CUX2: variants seen among roughly 807,000 people sequenced by gnomAD.
CUX2 encodes the protein cut like homeobox 2.
A neutral mutation model predicts 144.8 loss-of-function variants in CUX2; 40 were observed. The ratio of observed to expected loss-of-function variants is 0.28; its 90% confidence interval spans 0.21 to 0.36. The LOEUF is 0.36. CUX2 is among the 10% of genes least tolerant of loss of function. CUX2 has a pLI of 1.00. For missense variants in CUX2, 1,615 were observed against 1,994.0 expected, an observed-to-expected ratio of 0.81 and a Z score of 3.62; for synonymous variants, 827 against 875.6, an observed-to-expected ratio of 0.94 and a Z score of 0.98.
intron 1 of CUX2, among the ~76,000 whole-genome samples, chr12:111,093,406 CTG>C (rs1266062288): frequency 1.3e-5 from 2 of 151,998 alleles, no homozygotes; most frequent in Non-Finnish European, 2.9e-5. Flanking sequence ...CAGACGAGAA[CTG>C]TGTGTGGGGC....
In CUX2 at chr12:111,034,371, G is replaced by T. The variant is rs1205089759; in HGVS notation, c.63+131G>T. On this transcript the variant is annotated intron_variant, in intron 1 of 21. Transcript: ENST00000261726. This position sits in a 1 kb window ranked among gnomAD's most constrained non-coding sequence, Gnocchi z 4.2. ...GGCGGCGGCTGCCGGGGCTCGCCGG[G>T]GCTCGGCCGCCCGCTGCCCATCGAT... 4.3e-6 allele frequency: 1 copy of T among 234,562 alleles called. No individual in the cohort carries two copies. The highest frequency in any genetic ancestry group is 1.8e-4 in the East Asian group (1 of 5,588). 14.5% of individuals were successfully genotyped at this position (234,562 alleles called of 1,614,324 possible).
intron 3 of CUX2, among the ~76,000 whole-genome samples, chr12:111,226,769 C>T (rs759674802): frequency 1.3e-5 from 2 of 152,196 alleles, no homozygotes; most frequent in African/African-American, 2.4e-5. Flanking sequence ...AATGGGCTGG[C>T]GTCTGGGCCG....
chr12:111,073,289 T>A (rs1354334157), intron 1 of CUX2, among the ~76,000 whole-genome samples: 2 of 152,098 alleles, frequency 1.3e-5, no homozygotes, highest in Non-Finnish European at 1.5e-5. Context: ...TGGTTTCTTT[T>A]ACCAACATTA....
chr12:111,137,628 C>T (rs1875991585), intron 1 of CUX2, among the ~76,000 whole-genome samples: 1 of 152,130 alleles, frequency 6.6e-6, no homozygotes, highest in African/African-American at 2.4e-5. Flanking sequence ...GTTCTCCCAC[C>T]TCAGCCTCCA....
chr12:111,131,282 G>A (rs1875457457), intron 1 of CUX2, among the ~76,000 whole-genome samples: 3 of 152,088 alleles, frequency 2.0e-5, no homozygotes, highest in African/African-American at 7.2e-5. Context: ...TCACTATCAC[G>A]AGAATAGCAT....
At chr12:111,223,387 G>A (rs757232972) in intron 3 of CUX2, among the ~76,000 whole-genome samples, 1 of 152,098 alleles carries the variant, frequency 6.6e-6, no homozygotes, top group African/African-American at 2.4e-5. Context: ...TGACAGCCAC[G>A]GCAGTATCTC....
chr12:111,293,427 C>T lies in CUX2; in HGVS notation c.437-19C>T. On this transcript the variant is annotated intron_variant, in intron 5 of 21. Coordinates refer to ENST00000261726, the MANE Select transcript of CUX2 (RefSeq NM_015267.4). This position sits in a 1 kb window ranked among gnomAD's most constrained non-coding sequence, Gnocchi z 4.5. ...TGCTCTCTTGGCAATGGGGGTTTTC[C>T]CTCTTTTTCTCCCTGCAGAGCAGAG... 3 of 1,595,804 alleles carry T rather than the reference C, an allele frequency of 1.9e-6. No homozygotes were observed. Among genetic ancestry groups the T allele is most frequent in the Non-Finnish European group, 1.7e-6 (2 of 1,172,082 alleles).
At chr12:111,336,915 C>T (rs1394777340) in intron 19 of CUX2, among the ~76,000 whole-genome samples, 1 of 151,830 alleles carries the variant, frequency 6.6e-6, no homozygotes, top group Non-Finnish European at 1.5e-5. Context: ...TGGCTCACAC[C>T]TGTAATCCCA....
chr12:111,049,173 TCATCCATC>T (rs564705991), intron 1 of CUX2, among the ~76,000 whole-genome samples: 1 of 151,508 alleles, frequency 6.6e-6, no homozygotes, highest in African/African-American at 2.4e-5. Flanking sequence ...ATTCATGAAT[TCATCCATC>T]CATCCATCCA....
chr12:111,328,580 T>TTGTGTGTGTGTGTGTGTGTG (rs568983449), intron 18 of CUX2, among the ~76,000 whole-genome samples: 9 of 135,852 alleles, frequency 6.6e-5, no homozygotes, highest in African/African-American at 2.5e-4. Context: ...CCAATTTCTT[T>TTGTGTGTGTGTGTGTGTGTG]TGTGTGTGTG....
At chr12:111,296,210 C>T (rs1166555880) in intron 7 of CUX2, among the ~76,000 whole-genome samples, 1 of 152,078 alleles carries the variant, frequency 6.6e-6, no homozygotes, top group Admixed American at 6.6e-5. Flanking sequence ...GTCCCCTGAG[C>T]TACCTAGGCC....
At chr12:111,087,379 A>T (rs1872293014) in intron 1 of CUX2, among the ~76,000 whole-genome samples, 2 of 150,744 alleles carry the variant, frequency 1.3e-5, no homozygotes, top group Non-Finnish European at 1.5e-5. Flanking sequence ...AAAAAAAAAA[A>T]AAAAAAAAAA....
At chr12:111,245,429 GCTAT>G (rs1883232215) in intron 3 of CUX2, among the ~76,000 whole-genome samples, 1 of 151,650 alleles carries the variant, frequency 6.6e-6, no homozygotes, top group East Asian at 1.9e-4. Context: ...TTGTTTTGAT[GCTAT>G]CTATCTAGTC....
At chr12:111,091,594 T>C (rs1458830289) in intron 1 of CUX2, among the ~76,000 whole-genome samples, 2 of 152,230 alleles carry the variant, frequency 1.3e-5, no homozygotes, top group Non-Finnish European at 1.5e-5. Flanking sequence ...GCACTTTTTA[T>C]AGAAGAACGC....
At chr12:111,222,284 T>C (rs1208414274) in intron 3 of CUX2, among the ~76,000 whole-genome samples, 1 of 152,232 alleles carries the variant, frequency 6.6e-6, no homozygotes, top group East Asian at 1.9e-4. Context: ...ATTTTAAACT[T>C]ATTTTTACTT....
Position 111,291,538 on chromosome 12 carries a change from T to A in CUX2, c.422T>A (p.Leu141His). The change falls in exon 5 of 22, where the codon CTC (leucine) becomes CAC (histidine). Residue 141 changes from leucine (L) to histidine (H), a missense_variant. Transcript: ENST00000261726. The stretch of plus-strand genomic sequence containing the variant: ...ACTTCGTGGAAGAGGAACCCCGAGC[T>A]CCTCAGCCCCAAAGGTACTGATAAG... ...LHTSWKRNPE[L>H]LSPKEQREGT... is the part of the protein sequence containing the mutation. The A allele has an allele frequency of 6.2e-7, 1 of 1,609,546 alleles. No homozygotes were observed. The highest frequency in any genetic ancestry group is 8.5e-7 in the Non-Finnish European group (1 of 1,177,856).
intron 21 of CUX2, among the ~76,000 whole-genome samples, chr12:111,343,344 TC>T (rs1474456413): frequency 1.3e-5 from 2 of 152,098 alleles, no homozygotes; most frequent in African/African-American, 4.8e-5. Context: ...GGAGTTTTAG[TC>T]CCAGGGCTGG....
At chr12:111,321,254 A>G (rs1177952256) in intron 17 of CUX2, among the ~76,000 whole-genome samples, 1 of 152,018 alleles carries the variant, frequency 6.6e-6, no homozygotes, top group African/African-American at 2.4e-5. Context: ...AGATCATGAG[A>G]TCAAGAGATC....
chr12:111,326,902 C>G (rs1887848047), intron 18 of CUX2, among the ~76,000 whole-genome samples: 1 of 152,142 alleles, frequency 6.6e-6, no homozygotes, highest in African/African-American at 2.4e-5. Context: ...GACTCTGTCT[C>G]AAACAAAGAA....
Sources: allele counts gnomAD v4.1 joint callset (sites outside exome capture counted in the v4.1 genomes callset), GRCh38; gene constraint gnomAD v4.1.1; non-coding constraint Gnocchi (gnomAD v3.1); transcripts MANE v1.5; gene names NCBI Gene and HGNC (gene_info 2026-07-23, HGNC 2026-07-21).